The following GPR180 variants were observed in gnomAD, a reference collection of about 807,000 sequenced individuals.
GPR180 encodes the protein integral membrane protein GPR180.
Under a neutral mutation model 52.6 loss-of-function variants are expected in GPR180, and 53 were observed. The ratio of observed to expected loss-of-function variants is 1.01; its 90% CI spans 0.81 to 1.27. GPR180 has a LOEUF of 1.27. Among genes scored for constraint, GPR180 ranks in the 50% most tolerant of loss-of-function variants. The probability of loss-of-function intolerance (pLI) is 0.00; values close to 1 mark genes in which losing one functional copy is unlikely to be tolerated. For missense variants in GPR180, 533 were observed against 527.0 expected, an observed-to-expected ratio of 1.01 and a Z score of -0.11; for synonymous variants, 200 against 193.1, an observed-to-expected ratio of 1.04 and a Z score of -0.30.
chr13:94,614,761 G>A (rs1414219304), intron 3 of GPR180, among the ~76,000 whole-genome samples: 1 of 152,084 alleles, frequency 6.6e-6, no homozygotes, highest in Non-Finnish European at 1.5e-5. Context: ...TACTACAATG[G>A]GGAAGTTACA....
chr13:94,612,204 A>T lies in GPR180; in HGVS notation c.319A>T (p.Thr107Ser). The change falls in exon 3 of 9, where the codon ACC becomes TCC. Residue 107 changes from threonine (T) to serine (S), a missense_variant. Coordinates refer to ENST00000376958, the MANE Select transcript of GPR180 (RefSeq NM_180989.6). Reference protein sequence around the residue: ...KAQLTMTMNQTEHNLTVSQIP... With the variant: ...KAQLTMTMNQSEHNLTVSQIP... The stretch of plus-strand genomic sequence containing the variant: ...TCTCTTTAAAGTGACCATGAACCAG[A>T]CCGAACATAATCTGACAGTGTCCCA... 1.9e-6 allele frequency: 3 copies of T among 1,614,068 alleles called. No homozygotes were observed. Among genetic ancestry groups the T allele is most frequent in the Non-Finnish European group, 2.5e-6 (3 of 1,179,934 alleles).
intron 2 of GPR180, among the ~76,000 whole-genome samples, chr13:94,607,960 A>G (rs570754129): frequency 6.6e-6 from 1 of 152,336 alleles, no homozygotes; most frequent in East Asian, 1.9e-4. Context: ...TGTGTTTGGC[A>G]TCTCAAAGAC....
rs758618361 is a variant in GPR180, at chr13:94,605,366, T to C, written c.146-25T>C. ...CAGTTTCATGTAAGACCAAACTAGT[T>C]GATGATTTTTGTTTTAATGTCAAGG... On this transcript the variant is annotated intron_variant, in intron 1 of 8. Transcript: ENST00000376958. 5.6e-6 allele frequency: 9 copies of C among 1,613,060 alleles called. No individual in the cohort carries two copies. In the Admixed American group the frequency reaches 8.3e-5, roughly 15 times the overall value.
rs560041235 is a variant in GPR180, at chr13:94,633,280, T to C, written c.*6109T>C. 1 of 152,286 alleles carries C rather than the reference T, an allele frequency of 6.6e-6. No individual in the cohort carries two copies. The highest frequency in any genetic ancestry group is 6.5e-5 in the Admixed American group (1 of 15,294). The allele number at this position is 152,286 out of a possible 1,614,324, so 9.4% of individuals were successfully genotyped here. The stretch of plus-strand genomic sequence containing the variant: ...GGGCCCTTAATCTGTGAAGTTTGGC[T>C]TAACTTCAGGCAGTTGGTGTCAGAA... On this transcript the variant is annotated 3_prime_UTR_variant, in exon 9 of 9. Transcript: ENST00000376958.
chr13:94,617,550 C>T (rs1368622333), intron 3 of GPR180, among the ~76,000 whole-genome samples: 3 of 152,060 alleles, frequency 2.0e-5, no homozygotes, highest in Non-Finnish European at 4.4e-5. Context: ...GTTAACTGTC[C>T]ACATTTATAT....
In GPR180 at chr13:94,619,462, C is replaced by T. The variant is rs369708896; in HGVS notation, c.687-6C>T. ...TAATTTACACTACTCTTCTTCAATT[C>T]CTCAGTTACTCCAAAGATGGAATAG... is the stretch of plus-strand genomic sequence containing the variant. On this transcript the variant is annotated splice_polypyrimidine_tract_variant and splice_region_variant and intron_variant, in intron 4 of 8. Coordinates refer to ENST00000376958, the MANE Select transcript of GPR180 (RefSeq NM_180989.6). 1.5e-4 allele frequency: 243 copies of T among 1,611,786 alleles called. No individual in the cohort carries two copies. The highest frequency in any genetic ancestry group is 1.8e-4 in the Non-Finnish European group (216 of 1,178,680).
Position 94,632,573 on chromosome 13 carries a change from G to A in GPR180, c.*5402G>A, listed in dbSNP as rs2138575320. 1 of 152,250 alleles carries A rather than the reference G, an allele frequency of 6.6e-6. No homozygotes were observed. The highest frequency in any genetic ancestry group is 2.4e-5 in the African/African-American group (1 of 41,532). The allele number at this position is 152,250 out of a possible 1,614,324, so 9.4% of individuals were successfully genotyped here. A position where few individuals can be genotyped will look rare whatever the true frequency, so the allele number is the denominator to read the frequency against. On this transcript the variant is annotated 3_prime_UTR_variant, in exon 9 of 9. Coordinates refer to ENST00000376958, the MANE Select transcript of GPR180 (RefSeq NM_180989.6). ...TTTCAGTCTTGCTAATACAGACAAG[G>A]CTGAAATTAAGACAGTAATCAAGAA... is the stretch of plus-strand genomic sequence containing the variant.
intron 1 of GPR180, among the ~76,000 whole-genome samples, chr13:94,603,078 C>T (rs1193759537): frequency 6.5e-5 from 6 of 91,868 alleles, no homozygotes; most frequent in Non-Finnish European, 1.3e-4. Flanking sequence ...GGGAAGGGAT[C>T]CTGATTTTTT....
chr13:94,621,873 AAATT>A (rs1889856973), intron 6 of GPR180, among the ~76,000 whole-genome samples: 1 of 152,170 alleles, frequency 6.6e-6, no homozygotes, highest in Non-Finnish European at 1.5e-5. Flanking sequence ...GGATTTGTAA[AAATT>A]AAGAAGAAAG....
intron 1 of GPR180, among the ~76,000 whole-genome samples, chr13:94,605,138 C>A (rs1392499887): frequency 2.6e-5 from 4 of 151,900 alleles, no homozygotes; most frequent in Non-Finnish European, 5.9e-5. Context: ...GTTCAAATAC[C>A]CCAGATATTG....
In GPR180 at chr13:94,628,721, G is replaced by A. The variant is rs1466733947; in HGVS notation, c.*1550G>A. On this transcript the variant is annotated 3_prime_UTR_variant, in exon 9 of 9. Coordinates refer to ENST00000376958, the MANE Select transcript of GPR180 (RefSeq NM_180989.6). ...AATCACTTAGTACATTAGAGCTACA[G>A]GTTAAGACTAGAAAGTCTGAGTTAT... The A allele has an allele frequency of 6.6e-6, 1 of 152,010 alleles. No individual in the cohort carries two copies. Among genetic ancestry groups the A allele is most frequent in the African/African-American group, 2.4e-5 (1 of 41,420 alleles). The allele number at this position is 152,010 out of a possible 1,614,324, so 9.4% of individuals were successfully genotyped here. A position where few individuals can be genotyped will look rare whatever the true frequency, so the allele number is the denominator to read the frequency against.
intron 4 of GPR180, 55 bp from the exon 5 acceptor site, chr13:94,619,413 T>A (rs1439259080): frequency 6.2e-7 from 1 of 1,601,736 alleles, no homozygotes; most frequent in Non-Finnish European, 8.5e-7. Context: ...TTGCTTTGAT[T>A]ATAAACAATT....
At position 94,621,178 on chromosome 13, in the gene GPR180, C is replaced by T. The variant is rs1889847293; in HGVS notation, c.837C>T (p.Leu279=). The change falls in exon 6 of 9, where the codon CTC becomes CTT. Residue 279 remains leucine (L), a synonymous_variant. Transcript: ENST00000376958. ...TGAAGAAGTCTCAAAGCAGACCTCT[C>T]CAGTGGGATTCTACGCCTGCATCCA... ...VRMKKSQSRP[L]QWDSTPASTG... 6.2e-7 allele frequency: 1 copy of T among 1,611,642 alleles called. No homozygotes were observed. Among genetic ancestry groups the T allele is most frequent in the Non-Finnish European group, 8.5e-7 (1 of 1,179,392 alleles).
At position 94,627,213 on chromosome 13, in the gene GPR180, A is replaced by G. The variant is rs61965610; in HGVS notation, c.*42A>G. On this transcript the variant is annotated 3_prime_UTR_variant, in exon 9 of 9. Transcript: ENST00000376958. ...AGAGGAAAAGTGAATTGGTTAAAAGAGTGCAATAAGGATCCAAATACAGTG... is the reference window on the plus strand; with the variant it reads ...AGAGGAAAAGTGAATTGGTTAAAAGGGTGCAATAAGGATCCAAATACAGTG... 0.013 allele frequency: 19,753 copies of G among 1,557,344 alleles called. 145 individuals carry two copies. Among genetic ancestry groups the G allele is most frequent in the Non-Finnish European group, 0.015 (17,643 of 1,138,718 alleles).
chr13:94,603,531 AG>A (rs1277574631), intron 1 of GPR180, among the ~76,000 whole-genome samples: 1 of 152,260 alleles, frequency 6.6e-6, no homozygotes, highest in Non-Finnish European at 1.5e-5. Context: ...ATCCCAATTC[AG>A]TAAAATAATA....
At chr13:94,626,647 GAGTACTCTTTAAAGT>G (rs1889932486) in intron 8 of GPR180, among the ~76,000 whole-genome samples, 1 of 152,158 alleles carries the variant, frequency 6.6e-6, no homozygotes, top group African/African-American at 2.4e-5. Context: ...AGGGCTTTTA[GAGTACTCTTTAAAGT>G]TCAGGTAGGA....
At position 94,612,394 on chromosome 13, in the gene GPR180, A is replaced by G. The variant is rs755456027; in HGVS notation, c.505+4A>G. ...CATTTTAGTGCTGGAGAATCTGGTA[A>G]GAATATGTATTTGAATATATCCTAA... On this transcript the variant is annotated splice_donor_region_variant and intron_variant, in intron 3 of 8. Coordinates refer to ENST00000376958, the MANE Select transcript of GPR180 (RefSeq NM_180989.6). 1 of 1,581,752 alleles carries G rather than the reference A, an allele frequency of 6.3e-7. No individual in the cohort carries two copies. Among genetic ancestry groups the G allele is most frequent in the Non-Finnish European group, 8.7e-7 (1 of 1,150,408 alleles).
chr13:94,622,794 C>T lies in GPR180; in HGVS notation c.895-315C>T, dbSNP rs368263584. On this transcript the variant is annotated intron_variant, in intron 6 of 8. Transcript: ENST00000376958. ...TTCACCATGTTGGCCAGGCTGGTCT[C>T]GAACTCCTGACCTCAGGTGATCCAC... Among the ~76,000 whole-genome samples, 58 of 152,222 alleles carry T rather than the reference C, an allele frequency of 3.8e-4. 2 individuals are homozygous for T. In the East Asian group the frequency reaches 0.01, roughly 27 times the overall value.
At chr13:94,615,664 C>G (rs888700877) in intron 3 of GPR180, among the ~76,000 whole-genome samples, 16 of 152,172 alleles carry the variant, frequency 1.1e-4, no homozygotes, top group African/African-American at 3.4e-4. Flanking sequence ...TGTATTTGTA[C>G]TCTAATTAGA....
Sources: gnomAD v4.1 joint callset for allele counts (sites outside exome capture counted in the v4.1 genomes callset) on GRCh38, gnomAD v4.1.1 for gene constraint, MANE v1.5 for transcripts, NCBI Gene and HGNC (gene_info 2026-07-23, HGNC 2026-07-21) for gene names.